ZBTB20: variants seen among roughly 807,000 people sequenced by gnomAD.
ZBTB20 encodes the protein zinc finger and BTB domain containing 20, also known as zinc finger and BTB domain-containing protein 20.
ZBTB20 carries 9 observed loss-of-function variants against 56.9 expected under a neutral mutation model. That is an observed-to-expected ratio of 0.16 (90% CI 0.10 to 0.28). The LOEUF is 0.28. ZBTB20 is among the 10% of genes least tolerant of loss of function. The pLI, the probability that ZBTB20 is intolerant of heterozygous loss-of-function variation, is 1.00. For synonymous variants in ZBTB20, 417 were observed against 420.7 expected (o/e 0.99, Z 0.11); for missense variants, 655 against 1,003.0 (o/e 0.65, Z 4.69).
Position 114,354,574 on chromosome 3 carries a change from T to TG in ZBTB20, c.200-2697_200-2696insC, listed in dbSNP as rs1489319084. Among the ~76,000 whole-genome samples the TG allele has an allele frequency of 9.0e-5, 11 of 122,120 alleles. No individual in the cohort carries two copies. The South Asian group carries it at 3.1e-3, about 34-fold the overall frequency. The allele number at this position is 122,120 out of a possible 152,430, so 80.1% of individuals were successfully genotyped here. A position where few individuals can be genotyped will look rare whatever the true frequency, so the allele number is the denominator to read the frequency against. ...TGTGTTCTGAACAGGTTTTTTTTTGTTTTGTTTTGTTTGTTTTTTTTTTTT... is the reference window on the plus strand; with the variant it reads ...TGTGTTCTGAACAGGTTTTTTTTTGTGTTTGTTTTGTTTGTTTTTTTTTTTT... On this transcript the variant is annotated intron_variant, in intron 10 of 11. Transcript: ENST00000675478.
chr3:114,369,248 T>A (rs1313814461), intron 10 of ZBTB20, among the ~76,000 whole-genome samples: 4 of 152,260 alleles, frequency 2.6e-5, no homozygotes, highest in Non-Finnish European at 4.4e-5. Flanking sequence ...CAAGCTTTTT[T>A]AAAAATTCTG....
intron 7 of ZBTB20, among the ~76,000 whole-genome samples, chr3:114,443,155 C>A (rs535894026): frequency 6.6e-6 from 1 of 152,248 alleles, no homozygotes; most frequent in Non-Finnish European, 1.5e-5. Context: ...AACACAGATT[C>A]AGGTGCTCTC....
At chr3:114,925,438 T>A (rs552024512) in intron 3 of ZBTB20, among the ~76,000 whole-genome samples, 1 of 152,360 alleles carries the variant, frequency 6.6e-6, no homozygotes, top group Middle Eastern at 3.4e-3. Context: ...TTTAAGATTG[T>A]CATCTGTTGA....
intron 3 of ZBTB20, among the ~76,000 whole-genome samples, chr3:114,964,781 C>G (rs1422534008): frequency 6.6e-6 from 1 of 152,028 alleles, no homozygotes; most frequent in Non-Finnish European, 1.5e-5. Context: ...TCAATGTCAT[C>G]TTGTGTTAGC....
chr3:114,355,780 C>G (rs1405671546), intron 10 of ZBTB20, among the ~76,000 whole-genome samples: 1 of 151,708 alleles, frequency 6.6e-6, no homozygotes, highest in Admixed American at 6.6e-5. Context: ...TGTGAAAATG[C>G]TAACTCTATT....
At chr3:114,509,412 T>C (rs928981608) in intron 6 of ZBTB20, among the ~76,000 whole-genome samples, 1 of 149,814 alleles carries the variant, frequency 6.7e-6, no homozygotes, top group Non-Finnish European at 1.5e-5. Flanking sequence ...ATTTGGGGAG[T>C]GTGTGTGTGT....
chr3:114,403,470 T>A (rs2087001083), intron 7 of ZBTB20, among the ~76,000 whole-genome samples: 3 of 152,046 alleles, frequency 2.0e-5, no homozygotes, highest in Admixed American at 2.0e-4. Flanking sequence ...AGTGGGTAAA[T>A]GCGTAAATCT....
chr3:114,647,618 T>C (rs2059920536), intron 6 of ZBTB20, among the ~76,000 whole-genome samples: 1 of 152,202 alleles, frequency 6.6e-6, no homozygotes, highest in Admixed American at 6.5e-5. Flanking sequence ...TGGTGTGATC[T>C]TGAATACATT....
intron 6 of ZBTB20, chr3:114,688,514 G>A (rs1417171637): frequency 6.6e-6 from 1 of 152,020 alleles, no homozygotes; most frequent in Non-Finnish European, 1.5e-5. Context: ...TAGAGTGCAG[G>A]TCTTGATATA....
chr3:114,898,359 A>C (rs2074972253), intron 4 of ZBTB20, among the ~76,000 whole-genome samples: 1 of 152,164 alleles, frequency 6.6e-6, no homozygotes, highest in South Asian at 2.1e-4. Flanking sequence ...AGTAAAAGTT[A>C]GTTTAAAGCA....
intron 7 of ZBTB20, among the ~76,000 whole-genome samples, chr3:114,410,492 A>G (rs2087829915): frequency 1.3e-5 from 2 of 152,190 alleles, no homozygotes; most frequent in Non-Finnish European, 2.9e-5. Context: ...AGCTTCTGAG[A>G]GACACAGATG....
chr3:114,978,474 G>T (rs1003684820), intron 2 of ZBTB20, among the ~76,000 whole-genome samples: 2 of 151,314 alleles, frequency 1.3e-5, no homozygotes, highest in Non-Finnish European at 3.0e-5. Context: ...TATGTAATAG[G>T]ATATTAAGTG....
intron 6 of ZBTB20, among the ~76,000 whole-genome samples, chr3:114,670,367 G>C (rs1039792646): frequency 6.6e-6 from 1 of 152,050 alleles, no homozygotes; most frequent in Middle Eastern, 3.2e-3. Context: ...AACTGGATTA[G>C]CCTCACAAAG....
intron 1 of ZBTB20, among the ~76,000 whole-genome samples, chr3:115,092,568 C>T (rs1392322631): frequency 6.6e-6 from 1 of 151,980 alleles, no homozygotes; most frequent in Admixed American, 6.6e-5. Flanking sequence ...ATAGAAATGT[C>T]CAAAGGCATA....
chr3:114,404,103 C>T (rs1194237762), intron 7 of ZBTB20, among the ~76,000 whole-genome samples: 3 of 152,194 alleles, frequency 2.0e-5, no homozygotes, highest in Non-Finnish European at 4.4e-5. Flanking sequence ...GGTTTCTGGA[C>T]TCAAGAAGTC....
chr3:114,987,997 C>G (rs1258917562), intron 2 of ZBTB20, among the ~76,000 whole-genome samples: 1 of 151,838 alleles, frequency 6.6e-6, no homozygotes, highest in Non-Finnish European at 1.5e-5. Context: ...AATGCCATCT[C>G]ATCTATTCCC....
intron 3 of ZBTB20, among the ~76,000 whole-genome samples, chr3:114,936,825 G>A (rs1349302581): frequency 6.6e-6 from 1 of 152,174 alleles, no homozygotes; most frequent in East Asian, 1.9e-4. Flanking sequence ...TACTGTGCCA[G>A]TTTGGGTCCT....
chr3:115,143,678 A>AT (rs2084883380), intron 1 of ZBTB20, among the ~76,000 whole-genome samples: 2 of 152,162 alleles, frequency 1.3e-5, no homozygotes, highest in East Asian at 1.9e-4. Context: ...AAGACACAAG[A>AT]TTTTTTTAAT....
intron 7 of ZBTB20, among the ~76,000 whole-genome samples, chr3:114,423,454 T>C (rs910912792): frequency 1.3e-5 from 2 of 152,184 alleles, no homozygotes; most frequent in Non-Finnish European, 2.9e-5. Context: ...AATTCAAAGT[T>C]CCATACTTAA....
Sources: gnomAD v4.1 joint callset for allele counts (sites outside exome capture counted in the v4.1 genomes callset) on GRCh38, gnomAD v4.1.1 for gene constraint, MANE v1.5 for transcripts, NCBI Gene and HGNC (gene_info 2026-07-23, HGNC 2026-07-21) for gene names.